CHMP7: variants seen among roughly 807,000 people sequenced by gnomAD.
The protein encoded by CHMP7 is CHMP family, member 7.
Under a neutral mutation model 53.7 loss-of-function variants are expected in CHMP7, and 15 were observed. The observed-to-expected ratio is 0.28, with a 90% CI of 0.19 to 0.43. CHMP7 has a LOEUF of 0.43. CHMP7 is among the 20% of genes least tolerant of loss of function. The probability of loss-of-function intolerance (pLI) is 1.00; values close to 1 mark genes in which losing one functional copy is unlikely to be tolerated. For synonymous variants in CHMP7, 261 were observed against 228.0 expected, an observed-to-expected ratio of 1.14 and a Z score of -1.30; for missense variants, 527 against 569.4, an observed-to-expected ratio of 0.93 and a Z score of 0.76.
At chr8:23,244,530 A>G (rs1435592035) in intron 1 of CHMP7, among the ~76,000 whole-genome samples, 2 of 152,290 alleles carry the variant, frequency 1.3e-5, no homozygotes, top group East Asian at 3.9e-4. Context: ...ATACCACACT[A>G]TCTTGATTAC....
Position 23,246,684 on chromosome 8 carries a change from G to A in CHMP7, c.-12G>A, listed in dbSNP as rs1471085519. Reference sequence around the variant, plus strand: ...GGCTTGTGTTCGCAGCCTTGCCGGGGCTGGGGTTCCGATGTGGTCCCCGGA... The same window carrying A: ...GGCTTGTGTTCGCAGCCTTGCCGGGACTGGGGTTCCGATGTGGTCCCCGGA... On this transcript the variant is annotated 5_prime_UTR_variant, in exon 2 of 11. Transcript: ENST00000397677. The A allele has an allele frequency of 2.6e-6, 4 of 1,545,696 alleles. No individual in the cohort carries two copies. In the South Asian group the frequency reaches 4.8e-5, roughly 18 times the overall value.
intron 6 of CHMP7, 79 bp from the exon 7 acceptor site, chr8:23,258,248 CCTT>C: frequency 6.3e-7 from 1 of 1,583,556 alleles, no homozygotes; most frequent in Non-Finnish European, 8.7e-7. Flanking sequence ...GCTGGGACAT[CCTT>C]AGCGTCTGGG....
chr8:23,257,481 A>G (rs1348354845), intron 5 of CHMP7, among the ~76,000 whole-genome samples: 2 of 152,180 alleles, frequency 1.3e-5, no homozygotes, highest in Non-Finnish European at 2.9e-5. Context: ...CCATTCAACT[A>G]ATATTTATTG....
intron 1 of CHMP7, among the ~76,000 whole-genome samples, 163 bp downstream of exon 1, chr8:23,244,007 T>C (rs1415998218): frequency 1.3e-5 from 2 of 151,976 alleles, no homozygotes; most frequent in Non-Finnish European, 2.9e-5. Flanking sequence ...TTTTCTTTTT[T>C]TTTTGAGTCT....
chr8:23,256,512 T>G lies in CHMP7; in HGVS notation c.710T>G (p.Val237Gly). ...PRAKVSPVND[V>G]DVGVYQLMQS... ...GCCAAGGTCTCTCCAGTCAATGACG[T>G]AGATGTTGGGGTGTACCAGCTGATG... is the stretch of plus-strand genomic sequence containing the variant. Residue 237 changes from valine to glycine, a missense_variant, in exon 5 of 11, where the codon GTA becomes GGA. Val to Gly is a moderately radical substitution (Grantham distance 109). Transcript: ENST00000397677. 2 of 1,609,712 alleles carry G rather than the reference T, an allele frequency of 1.2e-6. No homozygotes were observed. Among genetic ancestry groups the G allele is most frequent in the Non-Finnish European group, 1.7e-6 (2 of 1,176,006 alleles).
intron 2 of CHMP7, chr8:23,248,011 G>T (rs770308897): frequency 6.6e-6 from 3 of 453,384 alleles, no homozygotes; most frequent in Admixed American, 4.7e-5. Context: ...ACTGGACATT[G>T]ATATTGCCCA....
chr8:23,254,061 C>T (rs1802032796), intron 3 of CHMP7, among the ~76,000 whole-genome samples: 1 of 152,034 alleles, frequency 6.6e-6, no homozygotes, highest in Non-Finnish European at 1.5e-5. Flanking sequence ...CTCTCCTTTC[C>T]CCTCTACATT....
Position 23,248,054 on chromosome 8 carries a change from C to T in CHMP7, c.299+1060C>T, listed in dbSNP as rs1316943372. 6 of 456,142 alleles carry T rather than the reference C, an allele frequency of 1.3e-5. No individual in the cohort carries two copies. The East Asian group carries it at 2.8e-4, about 21-fold the overall frequency. The allele number at this position is 456,142 out of a possible 1,614,324, so 28.3% of individuals were successfully genotyped here. On this transcript the variant is annotated intron_variant, in intron 2 of 10. Transcript: ENST00000397677. ...CTCGAACTCCTGCACTCAAGCGATC[C>T]TCCCACCTCAGCCTCCCAAAGTGTT...
chr8:23,252,783 T>C (rs928294645), intron 3 of CHMP7, among the ~76,000 whole-genome samples: 7 of 152,236 alleles, frequency 4.6e-5, no homozygotes, highest in African/African-American at 1.7e-4. Flanking sequence ...CTTATTTTTG[T>C]GTATGTGGTG....
At chr8:23,249,788 C>G (rs1036361612) in intron 3 of CHMP7, among the ~76,000 whole-genome samples, 33 of 152,162 alleles carry the variant, frequency 2.2e-4, no homozygotes, top group Non-Finnish European at 8.8e-5. Context: ...GTGCCCTTTC[C>G]CCTTCCAGCT....
chr8:23,245,423 T>C (rs1024296353), intron 1 of CHMP7, among the ~76,000 whole-genome samples: 1 of 152,246 alleles, frequency 6.6e-6, no homozygotes, highest in African/African-American at 2.4e-5. Context: ...GTGGATTATA[T>C]TAATTGATTT....
intron 5 of CHMP7, 62 bp downstream of exon 5, chr8:23,256,655 A>C: frequency 7.0e-7 from 1 of 1,421,580 alleles, no homozygotes; most frequent in Non-Finnish European, 9.7e-7. Flanking sequence ...AGCCAGCAAA[A>C]TGTTAGTATA....
chr8:23,257,812 A>G (rs1369454884), intron 5 of CHMP7, among the ~76,000 whole-genome samples: 1 of 152,200 alleles, frequency 6.6e-6, no homozygotes, highest in Non-Finnish European at 1.5e-5. Context: ...TGGGTTGAAA[A>G]AGCTTATCCT....
chr8:23,250,620 CTGTGTGTGTGTGTGTGTGTGTGTGTG>C (rs59970101), intron 3 of CHMP7, among the ~76,000 whole-genome samples: 4 of 143,298 alleles, frequency 2.8e-5, no homozygotes, highest in East Asian at 2.1e-4. Context: ...TGATAGGGGC[CTGTGTGTGTGTGTGTGTGTGTGTGTG>C]TGTGTGTGTG....
chr8:23,252,195 C>CTTTTTTTTTTT (rs373288680), intron 3 of CHMP7, among the ~76,000 whole-genome samples: 1 of 105,298 alleles, frequency 9.5e-6, no homozygotes, highest in Admixed American at 1.1e-4. Flanking sequence ...ATTGTGTTAT[C>CTTTTTTTTTTT]TTTTTTTTTT....
intron 9 of CHMP7, among the ~76,000 whole-genome samples, chr8:23,259,628 G>C (rs1407549459): frequency 6.6e-6 from 1 of 152,152 alleles, no homozygotes; most frequent in African/African-American, 2.4e-5. Flanking sequence ...AAAGTGCTGG[G>C]GTTACAGGTG....
intron 3 of CHMP7, among the ~76,000 whole-genome samples, chr8:23,252,718 A>G (rs1464628924): frequency 6.6e-6 from 1 of 152,198 alleles, no homozygotes; most frequent in East Asian, 1.9e-4. Flanking sequence ...CTTCTGACTC[A>G]AGCTTAACTT....
rs1307752076 is a variant in CHMP7, at chr8:23,261,950, A to AT, written c.*1358dup. ...TTGGGGGTGAAGAGAAACAATCACT[A>AT]TTTTTTTCTTTTTTATCTGGTAAAT... On this transcript the variant is annotated 3_prime_UTR_variant, in exon 11 of 11. Coordinates refer to ENST00000397677, the MANE Select transcript of CHMP7 (RefSeq NM_152272.5). 6.6e-6 allele frequency: 1 copy of AT among 152,400 alleles called. No individual in the cohort carries two copies. The highest frequency in any genetic ancestry group is 2.4e-5 in the African/African-American group (1 of 41,400). 9.4% of individuals were successfully genotyped at this position (152,400 alleles called of 1,614,324 possible).
intron 5 of CHMP7, among the ~76,000 whole-genome samples, chr8:23,256,853 T>C (rs1370872754): frequency 3.6e-5 from 5 of 138,578 alleles, no homozygotes; most frequent in African/African-American, 5.4e-5. Flanking sequence ...AGTGCAGTGG[T>C]GCGATCTCGG....
Sources: allele counts gnomAD v4.1 joint callset (sites outside exome capture counted in the v4.1 genomes callset), GRCh38; gene constraint gnomAD v4.1.1; transcripts MANE v1.5; gene names NCBI Gene and HGNC (gene_info 2026-07-23, HGNC 2026-07-21).